The following MAPK14 variants were observed in gnomAD, a reference collection of about 807,000 sequenced individuals.
MAPK14 encodes mitogen-activated protein kinase 14.
In MAPK14, 16 loss-of-function variants were observed where a neutral mutation model predicts 49.6. The ratio of observed to expected loss-of-function variants is 0.32; its 90% confidence interval spans 0.22 to 0.49. MAPK14 has a LOEUF of 0.49. Among genes scored for constraint, MAPK14 ranks in the 20% least tolerant of loss-of-function variants. MAPK14 has a pLI of 0.99. For synonymous variants in MAPK14, 142 were observed against 158.0 expected, an observed-to-expected ratio of 0.90 and a Z score of 0.76; for missense variants, 200 against 441.2, an observed-to-expected ratio of 0.45 and a Z score of 4.90.
intron 1 of MAPK14, among the ~76,000 whole-genome samples, chr6:36,033,593 G>A (rs1356772610): frequency 6.6e-6 from 1 of 152,206 alleles, no homozygotes; most frequent in East Asian, 1.9e-4. Flanking sequence ...GGGATTACAG[G>A]AATGAGCCAC....
At chr6:36,039,518 AGT>A (rs947296566) in intron 1 of MAPK14, among the ~76,000 whole-genome samples, 3 of 152,116 alleles carry the variant, frequency 2.0e-5, no homozygotes, top group Admixed American at 2.0e-4. Context: ...TCTACTCAAA[AGT>A]GTGTATTGAT....
intron 7 of MAPK14, 77 bp downstream of exon 7, chr6:36,076,039 G>A: frequency 1.0e-5 from 15 of 1,437,658 alleles, no homozygotes; most frequent in Middle Eastern, 3.5e-4. Flanking sequence ...AAATAGAGAT[G>A]GTGGGAGTGG....
intron 3 of MAPK14, among the ~76,000 whole-genome samples, chr6:36,072,387 C>A (rs1286953169): frequency 1.3e-5 from 2 of 151,922 alleles, no homozygotes; most frequent in Admixed American, 6.6e-5. Context: ...AGGTGCCCTT[C>A]CCCCCAAAAA....
chr6:36,094,818 A>G (rs1765383329), intron 8 of MAPK14, among the ~76,000 whole-genome samples: 1 of 152,180 alleles, frequency 6.6e-6, no homozygotes, highest in African/African-American at 2.4e-5. Context: ...GGCTGTGATA[A>G]GCACTATGAT....
In MAPK14 at chr6:36,067,779, A is replaced by G. The variant is rs149334610; in HGVS notation, c.306-5094A>G. 6.4e-4 allele frequency among the ~76,000 whole-genome samples: 98 copies of G among 152,300 alleles called. No homozygotes were observed. The East Asian group carries it at 0.011, about 18-fold the overall frequency. ...TAAGATCTTTGGCACATGTATTTCA[A>G]TAAAATGAGCCCTTGTCTTATCTTA... is the stretch of plus-strand genomic sequence containing the variant. On this transcript the variant is annotated intron_variant, in intron 3 of 11. Coordinates refer to ENST00000229794, the MANE Select transcript of MAPK14 (RefSeq NM_139012.3).
chr6:36,097,427 G>A (rs768261692), intron 9 of MAPK14: 8 of 152,148 alleles, frequency 5.3e-5, no homozygotes, highest in Non-Finnish European at 8.8e-5. Flanking sequence ...ATATGTAGAA[G>A]CTGAATTAGA....
rs1480009872 is a variant in MAPK14, at chr6:36,110,141, T to C, written c.*1694T>C. 1.3e-5 allele frequency: 2 copies of C among 152,230 alleles called. No homozygotes were observed. Among genetic ancestry groups the C allele is most frequent in the South Asian group, 2.1e-4 (1 of 4,834 alleles). 9.4% of individuals were successfully genotyped at this position (152,230 alleles called of 1,614,324 possible). On this transcript the variant is annotated 3_prime_UTR_variant, in exon 12 of 12. Transcript: ENST00000229794. The stretch of plus-strand genomic sequence containing the variant: ...ATGAGGACTCATATATTTAAGCCTT[T>C]TGTGTAATAAGAAAGTATAAAGTCA...
chr6:36,112,763 A>G (rs1296655052), downstream of MAPK14, among the ~76,000 whole-genome samples: 1 of 152,220 alleles, frequency 6.6e-6, no homozygotes, highest in Non-Finnish European at 1.5e-5. Context: ...AGGTTTGAGC[A>G]GTTTTCTAGC....
Position 36,028,120 on chromosome 6 carries a change from A to G in MAPK14, c.-38A>G. On this transcript the variant is annotated 5_prime_UTR_variant, in exon 1 of 12. Transcript: ENST00000229794. This position sits in a 1 kb window ranked among gnomAD's most constrained non-coding sequence, Gnocchi z 5.1. ...GGGTGCGGGTGCAGGCGGGGGCCCC[A>G]CAGGGCCACCTTCTTGCCCGGCGGC... 6.8e-7 allele frequency: 1 copy of G among 1,470,858 alleles called. No homozygotes were observed. The highest frequency in any genetic ancestry group is 9.4e-7 in the Non-Finnish European group (1 of 1,061,812). The allele number at this position is 1,470,858 out of a possible 1,614,324, so 91.1% of individuals were successfully genotyped here. A position where few individuals can be genotyped will look rare whatever the true frequency, so the allele number is the denominator to read the frequency against.
intron 9 of MAPK14, among the ~76,000 whole-genome samples, chr6:36,098,784 GC>G (rs1765534723): frequency 6.6e-6 from 1 of 152,072 alleles, no homozygotes; most frequent in Non-Finnish European, 1.5e-5. Flanking sequence ...TTACTTTGTG[GC>G]CCCTTTTTGT....
chr6:36,091,248 GT>G (rs397771773), intron 8 of MAPK14, among the ~76,000 whole-genome samples: 36 of 144,216 alleles, frequency 2.5e-4, no homozygotes, highest in East Asian at 8.1e-4. Context: ...TAGTTTTTTT[GT>G]TTTTTTTTTT....
the MAPK14 span, among the ~76,000 whole-genome samples, chr6:36,124,150 C>CCCTTCCTT: frequency 0.052 from 1,483 of 28,708 alleles, 89 homozygotes; most frequent in Non-Finnish European, 0.07. Context: ...CTCCCTCCCT[C>CCCTTCCTT]CCTTCCTTCC....
chr6:36,075,794 T>TC (rs755804391), intron 6 of MAPK14, 54 bp from the exon 7 acceptor site: 1 of 1,610,708 alleles, frequency 6.2e-7, no homozygotes, highest in African/African-American at 1.3e-5. Context: ...TGTTTTTTTT[T>TC]CCCTGCCTGT....
At chr6:36,079,691 A>G (rs1047969664) in intron 8 of MAPK14, among the ~76,000 whole-genome samples, 2 of 152,044 alleles carry the variant, frequency 1.3e-5, no homozygotes, top group African/African-American at 4.8e-5. Context: ...TGCATTTGGA[A>G]TTGGTGGTTT....
chr6:36,034,669 G>A (rs1427456920), intron 1 of MAPK14, among the ~76,000 whole-genome samples: 3 of 152,082 alleles, frequency 2.0e-5, no homozygotes, highest in Non-Finnish European at 4.4e-5. Context: ...TTTTGTAAAA[G>A]AAACTTTCAG....
intron 1 of MAPK14, among the ~76,000 whole-genome samples, chr6:36,051,644 G>C (rs1763403077): frequency 6.6e-6 from 1 of 152,286 alleles, no homozygotes; most frequent in East Asian, 1.9e-4. Context: ...GCAGAGTCAA[G>C]TGGTCAGTAG....
At chr6:36,061,983 CT>C (rs111412920) in intron 3 of MAPK14, among the ~76,000 whole-genome samples, 1 of 151,338 alleles carries the variant, frequency 6.6e-6, no homozygotes, top group Non-Finnish European at 1.5e-5. Context: ...TCAGTGTTTT[CT>C]TTTTTTTTGA....
At chr6:36,085,862 T>A (rs1299324593) in intron 8 of MAPK14, among the ~76,000 whole-genome samples, 1 of 152,220 alleles carries the variant, frequency 6.6e-6, no homozygotes, top group Non-Finnish European at 1.5e-5. Flanking sequence ...TACATTCTTC[T>A]TAGCAGCACA....
chr6:36,104,249 T>C (rs1381609557), intron 10 of MAPK14, among the ~76,000 whole-genome samples: 3 of 152,156 alleles, frequency 2.0e-5, no homozygotes, highest in Non-Finnish European at 4.4e-5. Flanking sequence ...TGAGACTGGC[T>C]TAGGTTTGCA....
Sources: allele counts gnomAD v4.1 joint callset (sites outside exome capture counted in the v4.1 genomes callset), GRCh38; gene constraint gnomAD v4.1.1; non-coding constraint Gnocchi (gnomAD v3.1); transcripts MANE v1.5; gene names NCBI Gene and HGNC (gene_info 2026-07-23, HGNC 2026-07-21).